The following TSHZ1 variants were observed in gnomAD, a reference collection of about 807,000 sequenced individuals.
The protein encoded by TSHZ1 is teashirt zinc finger homeobox 1, also known as teashirt homolog 1.
A neutral mutation model predicts 67.1 loss-of-function variants in TSHZ1; 12 were observed. The ratio of observed to expected loss-of-function variants is 0.18; its 90% CI spans 0.11 to 0.29. The LOEUF (loss-of-function observed/expected upper bound fraction) is 0.29. Ranked by LOEUF, TSHZ1 falls within the 10% of genes least tolerant of loss-of-function variation. The probability of loss-of-function intolerance (pLI) is 1.00; values close to 1 mark genes in which losing one functional copy is unlikely to be tolerated. For missense variants in TSHZ1, 1,305 were observed against 1,413.9 expected (o/e 0.92, Z 1.23); for synonymous variants, 632 against 622.4 (o/e 1.02, Z -0.23).
rs199758294 is a variant in TSHZ1 at position 75,286,121 on chromosome 18, C to A, written c.714C>A (p.Ser238=). The change falls in exon 2 of 2, where the codon TCC becomes TCA. Residue 238 remains serine, a synonymous_variant. Coordinates refer to ENST00000580243, the MANE Select transcript of TSHZ1 (RefSeq NM_001308210.2). This position sits in a 1 kb window ranked among gnomAD's most constrained non-coding sequence, Gnocchi z 5.1. ...GCCAGAACAACAAGCTCTACGGCTC[C>A]GTCTTCACGGGCGCCAGCAAGTTCC... ...LYRQNNKLYG[S]VFTGASKFRC... The A allele has an allele frequency of 2.5e-6, 4 of 1,613,018 alleles. No individual in the cohort carries two copies. Among genetic ancestry groups the A allele is most frequent in the Non-Finnish European group, 3.4e-6 (4 of 1,179,160 alleles).
In TSHZ1 at chr18:75,211,003, A is replaced by T. The variant is rs372174307; in HGVS notation, c.-874A>T. 1 of 136,936 alleles carries T rather than the reference A, an allele frequency of 7.3e-6. No homozygotes were observed. Among genetic ancestry groups the T allele is most frequent in the Non-Finnish European group, 1.5e-5 (1 of 64,970 alleles). 8.5% of individuals were successfully genotyped at this position (136,936 alleles called of 1,614,324 possible). A position where few individuals can be genotyped will look rare whatever the true frequency, so the allele number is the denominator to read the frequency against. ...TGTTGTTGCCTTTTTTTTTTCTTGGAGGGGGGGGTGCTTTTTGTGTATTTT... is the reference window on the plus strand; with the variant it reads ...TGTTGTTGCCTTTTTTTTTTCTTGGTGGGGGGGGTGCTTTTTGTGTATTTT... On this transcript the variant is annotated 5_prime_UTR_variant, in exon 1 of 2. Transcript: ENST00000580243.
intron 1 of TSHZ1, among the ~76,000 whole-genome samples, chr18:75,239,539 C>T (rs1027498397): frequency 1.6e-4 from 24 of 152,282 alleles, no homozygotes; most frequent in African/African-American, 5.5e-4. Flanking sequence ...CTGGCTCTGT[C>T]GTCCAGGCTG....
intron 1 of TSHZ1, among the ~76,000 whole-genome samples, chr18:75,249,429 A>G (rs913991673): frequency 5.6e-5 from 8 of 143,280 alleles, no homozygotes; most frequent in Admixed American, 4.1e-4. Flanking sequence ...GGTGGGGGGA[A>G]CAGATGACTT....
At chr18:75,274,501 G>A (rs189102547) in intron 1 of TSHZ1, among the ~76,000 whole-genome samples, 1 of 152,156 alleles carries the variant, frequency 6.6e-6, no homozygotes, top group East Asian at 1.9e-4. Context: ...TATTCTGATA[G>A]GTTAATCACT....
At chr18:75,280,784 G>T in intron 1 of TSHZ1, 1 of 985,480 alleles carries the variant, frequency 1.0e-6, no homozygotes, top group Non-Finnish European at 1.2e-6. Flanking sequence ...CTGAGTGAAA[G>T]AAGTCACAGC....
chr18:75,213,920 T>A (rs1432133436), intron 1 of TSHZ1, among the ~76,000 whole-genome samples: 1 of 152,178 alleles, frequency 6.6e-6, no homozygotes, highest in Non-Finnish European at 1.5e-5. Flanking sequence ...GTACAGGAAC[T>A]TGAGAGGGAA....
At chr18:75,266,001 A>G (rs938946347) in intron 1 of TSHZ1, among the ~76,000 whole-genome samples, 8 of 152,222 alleles carry the variant, frequency 5.3e-5, no homozygotes, top group African/African-American at 1.9e-4. Flanking sequence ...AATTAAAGCA[A>G]ATGGTATCAA....
intron 1 of TSHZ1, among the ~76,000 whole-genome samples, chr18:75,259,563 CAGA>C (rs1480531810): frequency 6.6e-6 from 1 of 152,070 alleles, no homozygotes; most frequent in Non-Finnish European, 1.5e-5. Context: ...CAACAGATCA[CAGA>C]AGAAGAAGGG....
intron 1 of TSHZ1, among the ~76,000 whole-genome samples, chr18:75,223,512 C>T (rs1373049836): frequency 1.3e-5 from 2 of 152,048 alleles, no homozygotes; most frequent in African/African-American, 4.8e-5. Context: ...ACATAAGTGG[C>T]TCCTTCAGTT....
chr18:75,265,957 A>G (rs1272196958), intron 1 of TSHZ1, among the ~76,000 whole-genome samples: 1 of 152,204 alleles, frequency 6.6e-6, no homozygotes, highest in Non-Finnish European at 1.5e-5. Context: ...TGTTCTTTGG[A>G]AAGAACCGAG....
Position 75,288,688 on chromosome 18 carries a change from G to C in TSHZ1, c.*47G>C, listed in dbSNP as rs202075424. ...GCGGAACATTGCACTAAACGTCGTCGAGCTGCACTAGGCCTGGCCTGAGCC... is the reference window on the plus strand; with the variant it reads ...GCGGAACATTGCACTAAACGTCGTCCAGCTGCACTAGGCCTGGCCTGAGCC... On this transcript the variant is annotated 3_prime_UTR_variant, in exon 2 of 2. Transcript: ENST00000580243. The surrounding 1 kb of genome is among the most constrained non-coding windows in gnomAD (Gnocchi z 4.9). The C allele has an allele frequency of 4.6e-6, 7 of 1,531,104 alleles. No individual in the cohort carries two copies. The highest frequency in any genetic ancestry group is 1.8e-4 in the Middle Eastern group (1 of 5,508). 94.8% of individuals were successfully genotyped at this position (1,531,104 alleles called of 1,614,324 possible).
chr18:75,252,470 G>A (rs2023317076), intron 1 of TSHZ1, among the ~76,000 whole-genome samples: 2 of 152,206 alleles, frequency 1.3e-5, no homozygotes, highest in East Asian at 1.9e-4. Context: ...AGTTTAGTTG[G>A]TCCTTTCTTG....
intron 1 of TSHZ1, among the ~76,000 whole-genome samples, chr18:75,270,812 A>C (rs933543540): frequency 6.6e-6 from 1 of 151,850 alleles, no homozygotes; most frequent in African/African-American, 2.4e-5. Flanking sequence ...AGATTTTTTT[A>C]ATGTATTTTC....
intron 1 of TSHZ1, among the ~76,000 whole-genome samples, chr18:75,278,690 A>G (rs1384135213): frequency 6.6e-6 from 1 of 151,878 alleles, no homozygotes; most frequent in African/African-American, 2.4e-5. Context: ...GAGCCTTGGG[A>G]GGGTCCTTGG....
intron 1 of TSHZ1, among the ~76,000 whole-genome samples, chr18:75,265,904 A>G (rs1393553494): frequency 6.6e-6 from 1 of 152,238 alleles, no homozygotes; most frequent in Non-Finnish European, 1.5e-5. Context: ...TTAACAATAC[A>G]CCGTCTTTTT....
At chr18:75,280,061 G>T (rs1450686582) in intron 1 of TSHZ1, among the ~76,000 whole-genome samples, 2 of 152,134 alleles carry the variant, frequency 1.3e-5, no homozygotes, top group African/African-American at 4.8e-5. Flanking sequence ...TTTTCTCTTT[G>T]TACTGTGTAT....
At chr18:75,283,320 T>TGCTA (rs1258065320) in intron 1 of TSHZ1, 1 of 152,302 alleles carries the variant, frequency 6.6e-6, no homozygotes, top group Non-Finnish European at 1.5e-5. Context: ...GTGGGGTCCC[T>TGCTA]GGGTCCTAGC....
chr18:75,282,069 G>C (rs1212868196), intron 1 of TSHZ1, among the ~76,000 whole-genome samples: 1 of 152,162 alleles, frequency 6.6e-6, no homozygotes, highest in Non-Finnish European at 1.5e-5. Flanking sequence ...GAAATGGCTT[G>C]CTGGGAAGAT....
Position 75,260,631 on chromosome 18 carries a change from C to G in TSHZ1, c.41-24817C>G, listed in dbSNP as rs1256458200. ...GAGACACAGGCAGCTGCTGGCTGAT[C>G]TTCAAAAAGGTGTGCAGAGGGCAGA... On this transcript the variant is annotated intron_variant, in intron 1 of 1. Coordinates refer to ENST00000580243, the MANE Select transcript of TSHZ1 (RefSeq NM_001308210.2). Among the ~76,000 whole-genome samples, 4 of 152,192 alleles carry G rather than the reference C, an allele frequency of 2.6e-5. No homozygotes were observed. In the East Asian group the frequency reaches 7.7e-4, roughly 29 times the overall value.
Sources: gnomAD v4.1 joint callset for allele counts (sites outside exome capture counted in the v4.1 genomes callset) on GRCh38, gnomAD v4.1.1 for gene constraint, Gnocchi (gnomAD v3.1) non-coding constraint, MANE v1.5 for transcripts, NCBI Gene and HGNC (gene_info 2026-07-23, HGNC 2026-07-21) for gene names.